IFIH1: variants seen among roughly 807,000 people sequenced by gnomAD.
The protein encoded by IFIH1 is interferon-induced helicase C domain-containing protein 1.
Under a neutral mutation model 107.4 loss-of-function variants are expected in IFIH1, and 125 were observed. The observed-to-expected ratio is 1.16, with a 90% CI of 1.01 to 1.35. The LOEUF is 1.35. Among genes scored for constraint, IFIH1 ranks in the 40% most tolerant of loss-of-function variants. The probability of loss-of-function intolerance (pLI) is 0.00; values close to 1 mark genes in which losing one functional copy is unlikely to be tolerated. For missense variants in IFIH1, 1,333 were observed against 1,213.7 expected (o/e 1.10, Z -1.46); for synonymous variants, 458 against 413.2 (o/e 1.11, Z -1.31).
Position 162,278,230 on chromosome 2 carries a change from T to C in IFIH1, c.1740A>G (p.Gln580=). The C allele has an allele frequency of 6.2e-7, 1 of 1,606,316 alleles. No homozygotes were observed. The highest frequency in any genetic ancestry group is 8.5e-7 in the Non-Finnish European group (1 of 1,177,404). Residue 580 remains glutamine, a synonymous_variant, in exon 9 of 16, where the codon CAA becomes CAG. Transcript: ENST00000649979. ...MSDFGTQPYE[Q]WAIQMEKKAA... Reference sequence around the variant, plus strand: ...CTTTTTTTTCCATTTGAATGGCCCATTGTTCATAGGGTTGAGTTCCAAAAT... The same window carrying C: ...CTTTTTTTTCCATTTGAATGGCCCACTGTTCATAGGGTTGAGTTCCAAAAT...
intron 2 of IFIH1, 30 bp downstream of exon 2, chr2:162,310,735 A>C (rs1461059740): frequency 3.8e-6 from 6 of 1,586,858 alleles, no homozygotes; most frequent in Non-Finnish European, 5.2e-6. Flanking sequence ...GCAGAATTTG[A>C]AGAATCTTCC....
At chr2:162,304,917 T>G (rs1409040799) in intron 3 of IFIH1, among the ~76,000 whole-genome samples, 1 of 152,194 alleles carries the variant, frequency 6.6e-6, no homozygotes, top group Non-Finnish European at 1.5e-5. Context: ...TAAAATAGTA[T>G]AAATCATTTG....
rs764283606 is a variant in IFIH1, at chr2:162,272,319, G to A, written c.2523C>T (p.Ile841=). Residue 841 remains isoleucine (I), a synonymous_variant, in exon 13 of 16, where the codon ATC becomes ATT. Transcript: ENST00000649979. ...GGAAATCATTAACTGTCTCATGTTC[G>A]ATAACTCCTGAACCACTGTGAGCAA... ...VLVAHSGSGV[I]EHETVNDFRE... is the part of the protein sequence containing the mutation. The A allele has an allele frequency of 5.0e-6, 8 of 1,612,776 alleles. No individual in the cohort carries two copies. The highest frequency in any genetic ancestry group is 4.0e-5 in the African/African-American group (3 of 74,830).
In IFIH1 at chr2:162,318,325, G is replaced by C. The variant is rs1282517672; in HGVS notation, c.-18C>G. 10 of 1,598,936 alleles carry C rather than the reference G, an allele frequency of 6.3e-6. No individual in the cohort carries two copies. The highest frequency in any genetic ancestry group is 8.6e-6 in the Non-Finnish European group (10 of 1,169,098). On this transcript the variant is annotated 5_prime_UTR_variant, in exon 1 of 16. Transcript: ENST00000649979. Reference sequence around the variant, plus strand: ...TTCGACATCTTTCTTTCTCAGAGAAGGGAGAGGGTTCTCCCAAGCAGATGG... The same window carrying C: ...TTCGACATCTTTCTTTCTCAGAGAACGGAGAGGGTTCTCCCAAGCAGATGG...
At chr2:162,280,949 G>T (rs16846553) in intron 7 of IFIH1, among the ~76,000 whole-genome samples, 5,314 of 152,072 alleles carry the variant, frequency 0.035, 459 homozygotes, top group Admixed American at 0.21. Context: ...AAAATACGCA[G>T]TTTTGAAACT....
Position 162,273,807 on chromosome 2 carries a change from T to C in IFIH1, c.2442A>G (p.Ile814Met). The stretch of plus-strand genomic sequence containing the variant: ...TATTTGAATGTACCTGGACCATGGC[T>C]ATTTCATTGGTGACGAGACCATAAC... ...VIRYGLVTNE[I>M]AMVQARGRAR... The change falls in exon 12 of 16, where the codon ATA (isoleucine) becomes ATG (methionine). Residue 814 changes from isoleucine (I) to methionine (M), a missense_variant. Transcript: ENST00000649979. 1 of 1,593,118 alleles carries C rather than the reference T, an allele frequency of 6.3e-7. No homozygotes were observed.
At chr2:162,275,177 G>A (rs541720592) in intron 11 of IFIH1, among the ~76,000 whole-genome samples, 2 of 152,264 alleles carry the variant, frequency 1.3e-5, no homozygotes, top group Admixed American at 1.3e-4. Flanking sequence ...TACAAGGTGA[G>A]GATACAAGGA....
chr2:162,267,459 G>C lies in IFIH1; in HGVS notation c.2898+20C>G, dbSNP rs755004213. 1 of 1,611,810 alleles carries C rather than the reference G, an allele frequency of 6.2e-7. No homozygotes were observed. Among genetic ancestry groups the C allele is most frequent in the Admixed American group, 1.7e-5 (1 of 60,014 alleles). On this transcript the variant is annotated intron_variant, in intron 15 of 15. Transcript: ENST00000649979. ...TTCCTGTTGGCTAAAGTAAAATCTG[G>C]CCCACAGCAATTTACTCACCTGGCC...
intron 5 of IFIH1, among the ~76,000 whole-genome samples, chr2:162,283,818 G>A (rs78272955): frequency 0.02 from 3,049 of 151,948 alleles, 108 homozygotes; most frequent in African/African-American, 0.071. Context: ...GTAGGTGTCT[G>A]GGGGGCTGGA....
intron 13 of IFIH1, among the ~76,000 whole-genome samples, chr2:162,270,673 C>T (rs1239581527): frequency 1.3e-5 from 2 of 152,086 alleles, no homozygotes; most frequent in African/African-American, 4.8e-5. Context: ...CAGAGATTGT[C>T]CTAGTGTTGA....
chr2:162,317,172 G>A lies in IFIH1; in HGVS notation c.453+683C>T, dbSNP rs536202429. ...ATATTTTTGGCTTTAAGGGCACACAGTCTCCATCCAATTGCCTTTGGAGTA... is the reference window on the plus strand; with the variant it reads ...ATATTTTTGGCTTTAAGGGCACACAATCTCCATCCAATTGCCTTTGGAGTA... On this transcript the variant is annotated intron_variant, in intron 1 of 15. Transcript: ENST00000649979. Among the ~76,000 whole-genome samples, 484 of 152,236 alleles carry A rather than the reference G, an allele frequency of 3.2e-3. 4 individuals are homozygous for A. Among genetic ancestry groups the A allele is most frequent in the Middle Eastern group, 6.8e-3 (2 of 294 alleles).
chr2:162,310,740 T>A (rs976995683), intron 2 of IFIH1, 25 bp downstream of exon 2: 1 of 1,598,626 alleles, frequency 6.3e-7, no homozygotes, highest in African/African-American at 1.3e-5. Flanking sequence ...ATTTGAAGAA[T>A]CTTCCTCAGT....
At chr2:162,293,271 A>G (rs1005335372) in intron 4 of IFIH1, among the ~76,000 whole-genome samples, 11 of 152,000 alleles carry the variant, frequency 7.2e-5, no homozygotes, top group African/African-American at 2.7e-4. Context: ...AATGCAGTCA[A>G]ATTAATTGAA....
chr2:162,288,560 C>T (rs898766302), intron 4 of IFIH1, among the ~76,000 whole-genome samples: 1 of 151,874 alleles, frequency 6.6e-6, no homozygotes, highest in African/African-American at 2.4e-5. Context: ...CAGAAGGAGT[C>T]TGGGGGTGTG....
intron 3 of IFIH1, among the ~76,000 whole-genome samples, chr2:162,301,489 T>C (rs1387860838): frequency 6.6e-6 from 1 of 152,222 alleles, no homozygotes; most frequent in African/African-American, 2.4e-5. Flanking sequence ...CATAAAAGTT[T>C]ATACCAAATG....
At chr2:162,275,828 T>C (rs1002493248) in intron 11 of IFIH1, among the ~76,000 whole-genome samples, 1 of 152,174 alleles carries the variant, frequency 6.6e-6, no homozygotes, top group Non-Finnish European at 1.5e-5. Context: ...GTTTTTTTAC[T>C]ATGCCCACAG....
At chr2:162,302,896 A>G (rs1683216474) in intron 3 of IFIH1, among the ~76,000 whole-genome samples, 1 of 152,214 alleles carries the variant, frequency 6.6e-6, no homozygotes, top group Admixed American at 6.5e-5. Context: ...CAGATATCAT[A>G]AAGAACCTAT....
intron 3 of IFIH1, among the ~76,000 whole-genome samples, chr2:162,298,163 T>C (rs550577837): frequency 2.6e-5 from 4 of 152,286 alleles, no homozygotes; most frequent in East Asian, 3.9e-4. Context: ...AGTGGACAAG[T>C]AGGCATTCTT....
At position 162,280,126 on chromosome 2, in the gene IFIH1, A is replaced by G; in HGVS notation, c.1525-14T>C. 1 of 1,286,150 alleles carries G rather than the reference A, an allele frequency of 7.8e-7. No individual in the cohort carries two copies. The highest frequency in any genetic ancestry group is 1.8e-5 in the Admixed American group (1 of 55,984). The allele number at this position is 1,286,150 out of a possible 1,614,324, so 79.7% of individuals were successfully genotyped here. A position where few individuals can be genotyped will look rare whatever the true frequency, so the allele number is the denominator to read the frequency against. On this transcript the variant is annotated splice_polypyrimidine_tract_variant and intron_variant, in intron 7 of 15. Coordinates refer to ENST00000649979, the MANE Select transcript of IFIH1 (RefSeq NM_022168.4). ...ATTGGCACATAGCTGGAAAAGAGAC[A>G]TTTTTCAATATTTATGCAATTATTT... is the stretch of plus-strand genomic sequence containing the variant.
Sources: gnomAD v4.1 joint callset for allele counts (sites outside exome capture counted in the v4.1 genomes callset) on GRCh38, gnomAD v4.1.1 for gene constraint, MANE v1.5 for transcripts, NCBI Gene and HGNC (gene_info 2026-07-23, HGNC 2026-07-21) for gene names.